The following SUGCT variants were observed in gnomAD, a reference collection of about 807,000 sequenced individuals.
The protein encoded by SUGCT is succinyl-CoA:glutarate-CoA transferase, also known as succinyl-CoA:glutarate CoA-transferase.
Under a neutral mutation model 55.0 loss-of-function variants are expected in SUGCT, and 41 were observed. That is an observed-to-expected ratio of 0.74 (90% CI 0.58 to 0.97). The LOEUF is 0.97. SUGCT is among the 50% of genes least tolerant of loss of function. The pLI, the probability that SUGCT is intolerant of heterozygous loss-of-function variation, is 0.00. For missense variants in SUGCT, 568 were observed against 547.8 expected, an observed-to-expected ratio of 1.04 and a Z score of -0.37; for synonymous variants, 187 against 200.4, an observed-to-expected ratio of 0.93 and a Z score of 0.56.
chr7:40,375,650 G>C (rs374475042), intron 9 of SUGCT, among the ~76,000 whole-genome samples: 20 of 152,088 alleles, frequency 1.3e-4, no homozygotes, highest in Non-Finnish European at 2.2e-4. Context: ...CTAAAAAGAA[G>C]TTCCTTCTAC....
chr7:40,876,565 G>A, the SUGCT span, among the ~76,000 whole-genome samples: 1 of 152,150 alleles, frequency 6.6e-6, no homozygotes, highest in Non-Finnish European at 1.5e-5. Context: ...TATAACTTAG[G>A]TGCAAATGCC....
At chr7:40,820,242 T>C (rs1465156362) in intron 13 of SUGCT, among the ~76,000 whole-genome samples, 1 of 151,664 alleles carries the variant, frequency 6.6e-6, no homozygotes, top group Non-Finnish European at 1.5e-5. Context: ...GTCTTGACAA[T>C]GTGGGCTCTT....
Position 40,751,864 on chromosome 7 carries a change from C to T in SUGCT, c.1153+2367C>T, listed in dbSNP as rs187305029. The stretch of plus-strand genomic sequence containing the variant: ...AAGTCAGTGGCCAACCAAGAATGAA[C>T]TCATTGGAGGTAACACTCTTTCAGT... On this transcript the variant is annotated intron_variant, in intron 13 of 13. Coordinates refer to ENST00000335693, the MANE Select transcript of SUGCT (RefSeq NM_001193313.2). 4.5e-4 allele frequency among the ~76,000 whole-genome samples: 68 copies of T among 152,248 alleles called. 1 individual carries two copies. The East Asian group carries it at 0.013, about 29-fold the overall frequency.
chr7:40,555,446 G>A (rs1343469456), intron 12 of SUGCT, among the ~76,000 whole-genome samples: 1 of 152,086 alleles, frequency 6.6e-6, no homozygotes, highest in Non-Finnish European at 1.5e-5. Flanking sequence ...TCCAGACCAG[G>A]AGTGTGTATG....
chr7:40,733,975 G>A (rs998108599), intron 12 of SUGCT, among the ~76,000 whole-genome samples: 10 of 152,182 alleles, frequency 6.6e-5, no homozygotes, highest in African/African-American at 1.4e-4. Context: ...GGAAGCAGAT[G>A]TTAATGTTTT....
intron 13 of SUGCT, among the ~76,000 whole-genome samples, chr7:40,806,268 C>G (rs935261114): frequency 1.3e-5 from 2 of 151,400 alleles, no homozygotes; most frequent in Non-Finnish European, 2.9e-5. Context: ...AGGGTTTTAT[C>G]AAACCCTGAC....
chr7:40,967,961 TA>T, the SUGCT span, among the ~76,000 whole-genome samples: 2 of 152,328 alleles, frequency 1.3e-5, no homozygotes, highest in Admixed American at 1.3e-4. Context: ...ATAGAAAAGC[TA>T]AACGTAATAC....
At chr7:40,639,468 A>G (rs918296488) in intron 12 of SUGCT, among the ~76,000 whole-genome samples, 1 of 151,906 alleles carries the variant, frequency 6.6e-6, no homozygotes, top group African/African-American at 2.4e-5. Flanking sequence ...ATGATTTTCA[A>G]TTTATTTGCT....
intron 12 of SUGCT, among the ~76,000 whole-genome samples, chr7:40,721,414 C>A (rs966920381): frequency 6.6e-6 from 1 of 152,096 alleles, no homozygotes; most frequent in Non-Finnish European, 1.5e-5. Flanking sequence ...TTGCTGTCTG[C>A]AACAGTGGCG....
At chr7:40,537,828 T>TA (rs1562845717) in intron 12 of SUGCT, among the ~76,000 whole-genome samples, 3 of 152,330 alleles carry the variant, frequency 2.0e-5, no homozygotes, top group Middle Eastern at 3.4e-3. Context: ...CACATGAGGC[T>TA]AATCTTAGAC....
chr7:40,842,108 A>G (rs949195135), intron 13 of SUGCT, among the ~76,000 whole-genome samples: 2 of 152,172 alleles, frequency 1.3e-5, no homozygotes, highest in Non-Finnish European at 2.9e-5. Flanking sequence ...GAGAATATGC[A>G]GAAGGGGAAG....
At chr7:40,804,631 T>C (rs1336364631) in intron 13 of SUGCT, among the ~76,000 whole-genome samples, 3 of 152,138 alleles carry the variant, frequency 2.0e-5, no homozygotes, top group Non-Finnish European at 4.4e-5. Context: ...AGATGGAATA[T>C]CTTAAGTGAA....
chr7:40,880,893 C>T, the SUGCT span, among the ~76,000 whole-genome samples: 1 of 152,146 alleles, frequency 6.6e-6, no homozygotes, highest in East Asian at 1.9e-4. Flanking sequence ...AGGGAGGATC[C>T]TCTGGGCAAC....
intron 6 of SUGCT, chr7:40,217,501 C>T (rs766121101): frequency 8.4e-5 from 35 of 416,390 alleles, no homozygotes; most frequent in South Asian, 4.1e-4. Context: ...AATGAGCCAC[C>T]GCGCCTGGCC....
chr7:40,139,502 G>A (rs1311518554), intron 1 of SUGCT, among the ~76,000 whole-genome samples: 1 of 152,134 alleles, frequency 6.6e-6, no homozygotes, highest in African/African-American at 2.4e-5. Flanking sequence ...CCGGCTGATG[G>A]TGAACATTTT....
At chr7:40,801,241 G>T (rs1253023164) in intron 13 of SUGCT, among the ~76,000 whole-genome samples, 1 of 152,132 alleles carries the variant, frequency 6.6e-6, no homozygotes, top group African/African-American at 2.4e-5. Flanking sequence ...AGCCATCCGG[G>T]GTATTTAACT....
intron 7 of SUGCT, among the ~76,000 whole-genome samples, chr7:40,262,154 G>A (rs1584495888): frequency 1.3e-5 from 2 of 152,080 alleles, no homozygotes; most frequent in East Asian, 1.9e-4. Flanking sequence ...TTGTGGTTTT[G>A]TGTATTTTTC....
intron 2 of SUGCT, among the ~76,000 whole-genome samples, chr7:40,181,546 C>T (rs1275561994): frequency 6.6e-6 from 1 of 151,918 alleles, no homozygotes; most frequent in African/African-American, 2.4e-5. Context: ...GAGATCGAGA[C>T]CATCCTGGCT....
At chr7:40,898,753 G>A in the SUGCT span, among the ~76,000 whole-genome samples, 8 of 152,088 alleles carry the variant, frequency 5.3e-5, no homozygotes, top group Non-Finnish European at 7.4e-5. Context: ...CTGGAAGTCA[G>A]CGAGACCGAA....
Sources: allele counts gnomAD v4.1 joint callset (sites outside exome capture counted in the v4.1 genomes callset), GRCh38; gene constraint gnomAD v4.1.1; transcripts MANE v1.5; gene names NCBI Gene and HGNC (gene_info 2026-07-23, HGNC 2026-07-21).